Variants in EPHB2 observed in about 807,000 individuals in gnomAD.
EPHB2 encodes the protein ephrin type-B receptor 2.
A neutral mutation model predicts 96.4 loss-of-function variants in EPHB2; 18 were observed. The ratio of observed to expected loss-of-function variants is 0.19; its 90% CI spans 0.13 to 0.28. The LOEUF is 0.28. Among genes scored for constraint, EPHB2 ranks in the 10% least tolerant of loss-of-function variants. EPHB2 has a pLI of 1.00. For missense variants in EPHB2, 989 were observed against 1,355.4 expected (o/e 0.73, Z 4.25); for synonymous variants, 506 against 534.1 (o/e 0.95, Z 0.72).
rs1353138046 is a variant in EPHB2 at position 22,915,699 on chromosome 1, C to G, written c.*2129C>G. ...GAGGGTCTTAGAGTGCTCATGTACC[C>G]CCAGGCACAGCCAACTCTGGTTTTC... On this transcript the variant is annotated 3_prime_UTR_variant, in exon 16 of 16. Coordinates refer to ENST00000374630, the MANE Select transcript of EPHB2 (RefSeq NM_017449.5). The G allele has an allele frequency of 6.6e-6, 1 of 152,172 alleles. No individual in the cohort carries two copies. Among genetic ancestry groups the G allele is most frequent in the Admixed American group, 6.5e-5 (1 of 15,268 alleles). 9.4% of individuals were successfully genotyped at this position (152,172 alleles called of 1,614,324 possible). A position where few individuals can be genotyped will look rare whatever the true frequency, so the allele number is the denominator to read the frequency against.
intron 9 of EPHB2, among the ~76,000 whole-genome samples, chr1:22,901,810 T>C (rs974114752): frequency 8.9e-6 from 1 of 112,022 alleles, no homozygotes; most frequent in South Asian, 2.9e-4. Flanking sequence ...ACTTCGTGTG[T>C]GTGTGTGTGA....
At chr1:22,744,671 C>CAAAA (rs59996691) in intron 1 of EPHB2, among the ~76,000 whole-genome samples, 1 of 57,922 alleles carries the variant, frequency 1.7e-5, no homozygotes, top group African/African-American at 6.8e-5. Context: ...GACATTGTCT[C>CAAAA]AAAAAAAAAA....
At chr1:22,879,463 A>G (rs1415502869) in intron 5 of EPHB2, among the ~76,000 whole-genome samples, 1 of 152,194 alleles carries the variant, frequency 6.6e-6, no homozygotes, top group Non-Finnish European at 1.5e-5. Flanking sequence ...AGGAGAGCAG[A>G]ACACTCAACT....
chr1:22,895,622 G>C, intron 8 of EPHB2, 42 bp downstream of exon 8: 2 of 1,564,720 alleles, frequency 1.3e-6, no homozygotes, highest in South Asian at 2.2e-5. Context: ...GGCTGTCCCA[G>C]ATGGCTTCTC....
In EPHB2 at chr1:22,784,783, G is replaced by C. The variant is rs1434629622; in HGVS notation, c.518G>C (p.Gly173Ala). Reference sequence around the variant, plus strand: ...AGCTTCGGACCTGTGTCCCGCAGCGGCTTCTACCTGGCCTTCCAGGACTAT... The same window carrying C: ...AGCTTCGGACCTGTGTCCCGCAGCGCCTTCTACCTGGCCTTCCAGGACTAT... The part of the protein sequence containing the change: ...VRSFGPVSRS[G>A]FYLAFQDYGG... The change falls in exon 3 of 16, where the codon GGC becomes GCC. Residue 173 changes from glycine to alanine, a missense_variant. Coordinates refer to ENST00000374630, the MANE Select transcript of EPHB2 (RefSeq NM_017449.5). The surrounding 1 kb of genome is among the most constrained non-coding windows in gnomAD (Gnocchi z 5.1). 6.2e-7 allele frequency: 1 copy of C among 1,606,188 alleles called. No individual in the cohort carries two copies.
At chr1:22,890,723 G>C (rs34811855) in intron 6 of EPHB2, among the ~76,000 whole-genome samples, 2 of 151,956 alleles carry the variant, frequency 1.3e-5, no homozygotes, top group Non-Finnish European at 2.9e-5. Flanking sequence ...ATTGAATCAC[G>C]GGGGTGGTTA....
intron 1 of EPHB2, chr1:22,774,479 G>T: frequency 1.3e-6 from 1 of 765,436 alleles, no homozygotes. Flanking sequence ...TTTTGGAAGA[G>T]AAGTTAGCCA....
intron 11 of EPHB2, 71 bp downstream of exon 11, chr1:22,907,028 C>T (rs574052144): frequency 3.3e-6 from 5 of 1,509,064 alleles, no homozygotes; most frequent in East Asian, 2.3e-5. Context: ...TAGCTTCATA[C>T]TGTCAGAGCC....
intron 1 of EPHB2, among the ~76,000 whole-genome samples, chr1:22,778,813 G>A (rs1459624122): frequency 6.6e-6 from 1 of 152,208 alleles, no homozygotes; most frequent in Non-Finnish European, 1.5e-5. Context: ...CAGAGTATGA[G>A]CACCAACTTT....
intron 9 of EPHB2, 75 bp downstream of exon 9, chr1:22,896,553 T>C: frequency 6.3e-7 from 1 of 1,579,096 alleles, no homozygotes; most frequent in Middle Eastern, 1.7e-4. Context: ...TTAAGCCATC[T>C]TTGACCTCCT....
At chr1:22,895,946 G>A (rs1639545253) in intron 8 of EPHB2, among the ~76,000 whole-genome samples, 1 of 152,226 alleles carries the variant, frequency 6.6e-6, no homozygotes. Flanking sequence ...TGAGGTGCTG[G>A]AAAGACAGGG....
intron 1 of EPHB2, among the ~76,000 whole-genome samples, chr1:22,749,120 A>G (rs1008677484): frequency 6.6e-6 from 1 of 151,488 alleles, no homozygotes; most frequent in Non-Finnish European, 1.5e-5. Flanking sequence ...TCCTGGGTTC[A>G]AGTGATCCTC....
rs1347487172 is a variant in EPHB2 at position 22,790,849 on chromosome 1, C to G, written c.811+5773C>G. ...GCACGCACATGTTGATTCGCTGGCT[C>G]CAGCTCAGACTCCCCAGTTCCCAGC... On this transcript the variant is annotated intron_variant, in intron 3 of 15. Coordinates refer to ENST00000374630, the MANE Select transcript of EPHB2 (RefSeq NM_017449.5). The surrounding 1 kb of genome is among the most constrained non-coding windows in gnomAD (Gnocchi z 4.0). Among the ~76,000 whole-genome samples the G allele has an allele frequency of 2.6e-5, 4 of 152,210 alleles. No homozygotes were observed. Among genetic ancestry groups the G allele is most frequent in the African/African-American group, 9.7e-5 (4 of 41,448 alleles).
At chr1:22,788,217 T>C (rs1049845887) in intron 3 of EPHB2, among the ~76,000 whole-genome samples, 4 of 151,972 alleles carry the variant, frequency 2.6e-5, no homozygotes, top group African/African-American at 9.7e-5. Context: ...GTTCTCAGAG[T>C]CAGAGCTACT....
intron 3 of EPHB2, among the ~76,000 whole-genome samples, chr1:22,818,969 C>G (rs1570334650): frequency 6.6e-6 from 1 of 151,544 alleles, no homozygotes; most frequent in Admixed American, 6.6e-5. Flanking sequence ...TGAATGCCCC[C>G]CAACCCCAAC....
chr1:22,789,996 A>G (rs945788119), intron 3 of EPHB2, among the ~76,000 whole-genome samples: 7 of 152,146 alleles, frequency 4.6e-5, no homozygotes, highest in Non-Finnish European at 1.0e-4. Flanking sequence ...GAGGCAGAGT[A>G]TGGTGCTGCC....
At chr1:22,822,890 G>T (rs967441594) in intron 3 of EPHB2, among the ~76,000 whole-genome samples, 1 of 152,246 alleles carries the variant, frequency 6.6e-6, no homozygotes, top group Non-Finnish European at 1.5e-5. Context: ...CATGGCTAAG[G>T]TTCATGCCTG....
intron 1 of EPHB2, among the ~76,000 whole-genome samples, chr1:22,729,825 A>G (rs1396144730): frequency 1.3e-5 from 2 of 152,228 alleles, no homozygotes; most frequent in African/African-American, 2.4e-5. Flanking sequence ...CCATGATCCA[A>G]TTGCTTCATC....
Position 22,858,632 on chromosome 1 carries a change from T to C in EPHB2, c.812-4405T>C, listed in dbSNP as rs537603740. Among the ~76,000 whole-genome samples the C allele has an allele frequency of 1.3e-5, 2 of 152,274 alleles. No homozygotes were observed. Among genetic ancestry groups the C allele is most frequent in the South Asian group, 2.1e-4 (1 of 4,824 alleles). ...GACATGCAGGTGCCAGCAGGACAGG[T>C]TCCCTTCCCACCCAGAAGTTGGGAG... On this transcript the variant is annotated intron_variant, in intron 3 of 15. Transcript: ENST00000374630. The surrounding 1 kb of genome is among the most constrained non-coding windows in gnomAD (Gnocchi z 7.7).
Sources: gnomAD v4.1 joint callset for allele counts (sites outside exome capture counted in the v4.1 genomes callset) on GRCh38, gnomAD v4.1.1 for gene constraint, Gnocchi (gnomAD v3.1) non-coding constraint, MANE v1.5 for transcripts, NCBI Gene and HGNC (gene_info 2026-07-23, HGNC 2026-07-21) for gene names.